Variants in RPSA observed in about 807,000 individuals in gnomAD.
The protein encoded by RPSA is ribosomal protein SA.
For missense variants in RPSA, 140 were observed against 372.8 expected, an observed-to-expected ratio of 0.38 and a Z score of 5.14; for synonymous variants, 103 against 126.7, an observed-to-expected ratio of 0.81 and a Z score of 1.25.
At chr3:39,407,861 T>G in intron 2 of RPSA, 75 bp downstream of exon 2, 1 of 1,195,890 alleles carries the variant, frequency 8.4e-7, no homozygotes, top group Non-Finnish European at 1.2e-6. Context: ...CGTGGTTAGT[T>G]CTGGGTAATT....
chr3:39,409,299 T>C (rs1056124827), intron 3 of RPSA, among the ~76,000 whole-genome samples: 3 of 145,512 alleles, frequency 2.1e-5, no homozygotes, highest in Non-Finnish European at 4.5e-5. Flanking sequence ...CCTCCTAAGC[T>C]CAAGGGATTC....
chr3:39,411,848 A>G, intron 5 of RPSA, 48 bp from the exon 6 acceptor site: 7 of 1,599,572 alleles, frequency 4.4e-6, no homozygotes, highest in Non-Finnish European at 5.9e-6. Context: ...TAGGAAGCAA[A>G]ACTTGTCAGT....
chr3:39,406,950 GC>G, intron 1 of RPSA, 186 bp downstream of exon 1: 1 of 452,982 alleles, frequency 2.2e-6, no homozygotes, highest in Non-Finnish European at 4.4e-6. Context: ...TTCCCAGAGT[GC>G]CCCGGGAGCG....
intron 2 of RPSA, 114 bp downstream of exon 2, chr3:39,407,900 A>AC (rs1419695841): frequency 1.4e-6 from 1 of 738,540 alleles, no homozygotes; most frequent in East Asian, 2.7e-5. Context: ...ATGAAGCCAG[A>AC]CCCCTACGTT....
chr3:39,407,996 G>A (rs1559398546), intron 2 of RPSA: 2 of 533,700 alleles, frequency 3.7e-6, no homozygotes, highest in Admixed American at 3.2e-5. Flanking sequence ...TCTGAGTTAC[G>A]GGACTTGGGT....
intron 1 of RPSA, 25 bp from the exon 2 acceptor site, chr3:39,407,596 G>C (rs767077709): frequency 3.2e-6 from 5 of 1,563,548 alleles, no homozygotes; most frequent in Non-Finnish European, 3.5e-6. Flanking sequence ...GGAATGAAAA[G>C]AAATAGGTTG....
In RPSA at chr3:39,410,616, G is replaced by A. The variant is rs890550159; in HGVS notation, c.253-138G>A. On this transcript the variant is annotated intron_variant, in intron 3 of 6. Transcript: ENST00000301821. ...AGGAAATCTCTGGAGAAGTAAGAGA[G>A]GTTAAGGAAAGCTGGGTATGTGCCT... 3 of 952,576 alleles carry A rather than the reference G, an allele frequency of 3.1e-6. No homozygotes were observed. In the African/African-American group the frequency reaches 4.8e-5, roughly 15 times the overall value. The allele number at this position is 952,576 out of a possible 1,614,324, so 59.0% of individuals were successfully genotyped here.
At chr3:39,409,123 C>T (rs1329399086) in intron 3 of RPSA, 3 of 43,468 alleles carry the variant, frequency 6.9e-5, no homozygotes, top group Admixed American at 5.3e-4. Flanking sequence ...TCAAACTCCA[C>T]TGTTAAGAGA....
chr3:39,412,198 G>C (rs1289873450), intron 6 of RPSA, 76 bp from the exon 7 acceptor site: 1 of 1,330,798 alleles, frequency 7.5e-7, no homozygotes, highest in African/African-American at 1.4e-5. Flanking sequence ...CTGATAGACT[G>C]CTGTTGGGAG....
In RPSA at chr3:39,411,660, A is replaced by T; in HGVS notation, c.510A>T (p.Ser170=). The change falls in exon 5 of 7, where the codon TCA becomes TCT. Residue 170 remains serine (S), a synonymous_variant. Transcript: ENST00000301821. ...AIPCNNKGAH[S]VGLMWWMLAR... ...GCCACTCTTGGCAGGGAGCTCACTCAGTGGGTTTGATGTGGTGGATGCTGG... is the reference window on the plus strand; with the variant it reads ...GCCACTCTTGGCAGGGAGCTCACTCTGTGGGTTTGATGTGGTGGATGCTGG... 1 of 1,609,218 alleles carries T rather than the reference A, an allele frequency of 6.2e-7. No individual in the cohort carries two copies. The highest frequency in any genetic ancestry group is 8.5e-7 in the Non-Finnish European group (1 of 1,180,012).
chr3:39,410,106 G>C (rs943000369), intron 3 of RPSA, among the ~76,000 whole-genome samples: 1 of 152,210 alleles, frequency 6.6e-6, no homozygotes, highest in African/African-American at 2.4e-5. Context: ...CTGAGTGACA[G>C]AGTGAGGCCT....
chr3:39,411,867 GTCTT>G (rs2042010145), intron 5 of RPSA, 25 bp from the exon 6 acceptor site: 5 of 1,599,592 alleles, frequency 3.1e-6, no homozygotes, highest in Non-Finnish European at 4.2e-6. Flanking sequence ...GTCCCTGTAA[GTCTT>G]TCCTCTTTTT....
At chr3:39,410,403 T>C (rs1575257302) in intron 3 of RPSA, 1 of 300,216 alleles carries the variant, frequency 3.3e-6, no homozygotes, top group Non-Finnish European at 6.4e-6. Flanking sequence ...GAAACTGACT[T>C]GTTACTAGGA....
chr3:39,408,805 C>A, intron 3 of RPSA, 81 bp downstream of exon 3: 2 of 907,194 alleles, frequency 2.2e-6, no homozygotes, highest in Non-Finnish European at 3.7e-6. Context: ...CATAAGAAAA[C>A]AGAAATAACT....
intron 3 of RPSA, 152 bp from the exon 4 acceptor site, chr3:39,410,602 G>GGA (rs2041992147): frequency 1.2e-6 from 1 of 830,490 alleles, no homozygotes; most frequent in Admixed American, 2.0e-5. Context: ...GGAAATCTCT[G>GGA]GAGAAGTAAG....
intron 4 of RPSA, 187 bp downstream of exon 4, chr3:39,411,186 A>G (rs1317413195): frequency 1.2e-5 from 9 of 772,628 alleles, no homozygotes; most frequent in East Asian, 7.4e-5. Flanking sequence ...GTGGAGTTTG[A>G]TAGTAATTCT....
At chr3:39,409,260 G>A (rs62242644) in intron 3 of RPSA, among the ~76,000 whole-genome samples, 1 of 144,038 alleles carries the variant, frequency 6.9e-6, no homozygotes, top group African/African-American at 2.6e-5. Flanking sequence ...GGACTGCAGT[G>A]GTGTGATATC....
At chr3:39,408,252 T>G (rs750282104) in intron 2 of RPSA, 5 of 442,030 alleles carry the variant, frequency 1.1e-5, no homozygotes, top group African/African-American at 1.0e-4. Flanking sequence ...AAAGGAGTTT[T>G]AGGATGAATC....
Position 39,412,019 on chromosome 3 carries a change from G to A in RPSA, c.751G>A (p.Gly251Ser), listed in dbSNP as rs747541225. 2 of 1,608,722 alleles carry A rather than the reference G, an allele frequency of 1.2e-6. No homozygotes were observed. The highest frequency in any genetic ancestry group is 8.5e-7 in the Non-Finnish European group (1 of 1,179,952). The change falls in exon 6 of 7, where the codon GGT becomes AGT. Residue 251 changes from glycine (G) to serine (S), a missense_variant. Gly to Ser is a moderately conservative substitution (Grantham distance 56, BLOSUM62 0). Transcript: ENST00000301821. The part of the protein sequence containing the change: ...TQPEVADWSE[G>S]VQVPSVPIQQ... ...GCCTGAGGTTGCAGACTGGTCTGAA[G>A]GTGTACAGGTGCCCTCTGTGCCTAT...
Sources: allele counts gnomAD v4.1 joint callset (sites outside exome capture counted in the v4.1 genomes callset), GRCh38; gene constraint gnomAD v4.1.1; transcripts MANE v1.5; gene names NCBI Gene and HGNC (gene_info 2026-07-23, HGNC 2026-07-21).